Variants in TRPM3 observed in about 807,000 individuals in gnomAD.
The protein encoded by TRPM3 is transient receptor potential cation channel subfamily M member 3, also known as long transient receptor potential channel 3.
A neutral mutation model predicts 181.2 loss-of-function variants in TRPM3; 77 were observed. The ratio of observed to expected loss-of-function variants is 0.42; its 90% CI spans 0.35 to 0.51. TRPM3 has a LOEUF of 0.51. TRPM3 is among the 20% of genes least tolerant of loss of function. TRPM3 has a pLI of 0.01. For missense variants in TRPM3, 1,759 were observed against 2,196.7 expected, an observed-to-expected ratio of 0.80 and a Z score of 3.98; for synonymous variants, 745 against 796.4, an observed-to-expected ratio of 0.94 and a Z score of 1.09.
intron 1 of TRPM3, among the ~76,000 whole-genome samples, chr9:71,312,856 GA>G (rs1214429263): frequency 6.6e-6 from 1 of 152,052 alleles, no homozygotes; most frequent in Non-Finnish European, 1.5e-5. Context: ...CAAAACTATG[GA>G]GACAGTAAAA....
At chr9:70,594,192 T>C (rs1391566994) in intron 21 of TRPM3, among the ~76,000 whole-genome samples, 1 of 151,688 alleles carries the variant, frequency 6.6e-6, no homozygotes, top group African/African-American at 2.4e-5. Flanking sequence ...TCTTGTTTTA[T>C]TTTATTTGTA....
At chr9:70,647,860 T>C (rs1401301728) in intron 9 of TRPM3, among the ~76,000 whole-genome samples, 1 of 152,032 alleles carries the variant, frequency 6.6e-6, no homozygotes, top group African/African-American at 2.4e-5. Context: ...GAATACAAAA[T>C]AAATGTATAA....
intron 1 of TRPM3, among the ~76,000 whole-genome samples, chr9:71,231,450 T>C (rs1274587264): frequency 6.6e-6 from 1 of 152,164 alleles, no homozygotes; most frequent in African/African-American, 2.4e-5. Flanking sequence ...TATGAGTTCT[T>C]CCATAGAGCC....
At chr9:70,780,054 A>G (rs10117352) in intron 7 of TRPM3, among the ~76,000 whole-genome samples, 2 of 152,208 alleles carry the variant, frequency 1.3e-5, no homozygotes, top group African/African-American at 2.4e-5. Flanking sequence ...AGTAATCTCA[A>G]CTACAAAAAC....
chr9:70,987,448 T>C (rs2097432883), intron 1 of TRPM3, among the ~76,000 whole-genome samples: 1 of 152,194 alleles, frequency 6.6e-6, no homozygotes, highest in South Asian at 2.1e-4. Flanking sequence ...TTGAAACATA[T>C]GGAGCATTTA....
At chr9:70,789,990 A>G (rs1442093457) in intron 6 of TRPM3, among the ~76,000 whole-genome samples, 8 of 152,230 alleles carry the variant, frequency 5.3e-5, no homozygotes, top group African/African-American at 9.6e-5. Flanking sequence ...AATTCTAAGC[A>G]GTCTTTCTTC....
chr9:71,390,495 T>C (rs369152711), intron 1 of TRPM3, among the ~76,000 whole-genome samples: 2 of 152,058 alleles, frequency 1.3e-5, no homozygotes, highest in East Asian at 3.9e-4. Context: ...CTGGTTTCAC[T>C]AAAGGCAAGA....
Position 71,082,932 on chromosome 9 carries a change from C to G in TRPM3, c.177+38246G>C, listed in dbSNP as rs116821392. Among the ~76,000 whole-genome samples the G allele has an allele frequency of 9.6e-3, 1,462 of 152,104 alleles. 21 individuals carry two copies. The highest frequency in any genetic ancestry group is 0.033 in the African/African-American group (1,380 of 41,510). ...CAGGCAGGAACAGAACAGATAACAT[C>G]TTAGAAGACAATTTGAAAAAGTCTT... On this transcript the variant is annotated intron_variant, in intron 1 of 25. Transcript: ENST00000677713.
intron 1 of TRPM3, among the ~76,000 whole-genome samples, chr9:71,419,105 G>A (rs934897851): frequency 6.6e-6 from 1 of 151,326 alleles, no homozygotes; most frequent in Non-Finnish European, 1.5e-5. Context: ...GTAAAATATT[G>A]GAGCTCTTAT....
At chr9:70,782,304 T>G (rs2082634527) in intron 7 of TRPM3, among the ~76,000 whole-genome samples, 1 of 152,002 alleles carries the variant, frequency 6.6e-6, no homozygotes, top group Non-Finnish European at 1.5e-5. Flanking sequence ...CTCTGCCTCC[T>G]GGGTTCAAGC....
intron 1 of TRPM3, among the ~76,000 whole-genome samples, chr9:71,190,890 A>T (rs2077979626): frequency 6.6e-6 from 1 of 151,882 alleles, no homozygotes; most frequent in South Asian, 2.1e-4. Context: ...GGCCATTCAC[A>T]GGTTCCCTGC....
At chr9:71,074,052 C>A (rs558803528) in intron 1 of TRPM3, among the ~76,000 whole-genome samples, 2 of 152,092 alleles carry the variant, frequency 1.3e-5, no homozygotes, top group Non-Finnish European at 2.9e-5. Flanking sequence ...TCAAGAGTTA[C>A]AACACGCATT....
intron 1 of TRPM3, among the ~76,000 whole-genome samples, chr9:70,910,916 T>C (rs2096531219): frequency 6.6e-6 from 1 of 152,186 alleles, no homozygotes; most frequent in African/African-American, 2.4e-5. Flanking sequence ...CAATGAAAAA[T>C]ATCACCTTCC....
intron 1 of TRPM3, among the ~76,000 whole-genome samples, chr9:70,990,176 T>C (rs1344190595): frequency 6.6e-6 from 1 of 152,202 alleles, no homozygotes. Flanking sequence ...AGATGCACTA[T>C]TTCTCTCAAA....
chr9:71,345,018 C>T (rs948954415), intron 1 of TRPM3, among the ~76,000 whole-genome samples: 2 of 152,114 alleles, frequency 1.3e-5, no homozygotes, highest in African/African-American at 4.8e-5. Flanking sequence ...ATTAGAGAAA[C>T]GCTCATCAAA....
intron 1 of TRPM3, among the ~76,000 whole-genome samples, chr9:71,253,405 T>C (rs1007703845): frequency 1.3e-5 from 2 of 152,178 alleles, no homozygotes; most frequent in Non-Finnish European, 2.9e-5. Flanking sequence ...TGGGCACGTG[T>C]GTACTCCTGT....
intron 9 of TRPM3, among the ~76,000 whole-genome samples, chr9:70,671,575 G>T (rs947871090): frequency 1.3e-5 from 2 of 152,090 alleles, no homozygotes; most frequent in African/African-American, 4.8e-5. Flanking sequence ...TAGGTAATAA[G>T]TGATATATTT....
chr9:71,387,853 G>C (rs1452015062), intron 1 of TRPM3, among the ~76,000 whole-genome samples: 1 of 152,056 alleles, frequency 6.6e-6, no homozygotes, highest in Non-Finnish European at 1.5e-5. Context: ...GACATGTACA[G>C]ACACGGGCAC....
rs200421016 is a variant in TRPM3 at position 71,279,034 on chromosome 9, T to TAAAAA, written c.183+167618_183+167619insTTTTT. ...CCTCACCAAACTTATCCTGCTTAGGTTAAAAAAAATAAAAATAAAAATAAA... is the reference window on the plus strand; with the variant it reads ...CCTCACCAAACTTATCCTGCTTAGGTAAAAATAAAAAAAATAAAAATAAAAATAAA... On this transcript the variant is annotated intron_variant, in intron 1 of 24. Transcript: ENST00000357533. 1.2e-3 allele frequency among the ~76,000 whole-genome samples: 57 copies of TAAAAA among 47,480 alleles called. 1 individual carries two copies. Among genetic ancestry groups the TAAAAA allele is most frequent in the African/African-American group, 1.6e-3 (15 of 9,556 alleles). 31.1% of individuals were successfully genotyped at this position (47,480 alleles called of 152,430 possible). A position where few individuals can be genotyped will look rare whatever the true frequency, so the allele number is the denominator to read the frequency against.
Sources: allele counts gnomAD v4.1 joint callset (sites outside exome capture counted in the v4.1 genomes callset), GRCh38; gene constraint gnomAD v4.1.1; transcripts MANE v1.5; gene names NCBI Gene and HGNC (gene_info 2026-07-23, HGNC 2026-07-21).